The following SORCS1 variants were observed in gnomAD, a reference collection of about 807,000 sequenced individuals.
SORCS1 encodes the protein sortilin related VPS10 domain containing receptor 1, also known as VPS10 domain-containing receptor SorCS1.
A neutral mutation model predicts 146.1 loss-of-function variants in SORCS1; 60 were observed. The observed-to-expected ratio is 0.41, with a 90% CI of 0.33 to 0.51. SORCS1 has a LOEUF of 0.51. SORCS1 is among the 20% of genes least tolerant of loss of function. SORCS1 has a pLI of 0.21. For missense variants in SORCS1, 1,352 were observed against 1,487.6 expected (o/e 0.91, Z 1.50); for synonymous variants, 637 against 584.0 (o/e 1.09, Z -1.31).
chr10:106,953,974 A>G (rs576064464), intron 2 of SORCS1, among the ~76,000 whole-genome samples: 1 of 152,330 alleles, frequency 6.6e-6, no homozygotes, highest in African/African-American at 2.4e-5. Flanking sequence ...TCAGAAGGGA[A>G]GCCTGATACT....
At chr10:107,075,460 T>G (rs1962795354) in intron 1 of SORCS1, among the ~76,000 whole-genome samples, 1 of 152,102 alleles carries the variant, frequency 6.6e-6, no homozygotes, top group South Asian at 2.1e-4. Flanking sequence ...GAATAAATGT[T>G]CTAGGCACAG....
Position 106,679,241 on chromosome 10 carries a change from AG to A in SORCS1, c.1740+14del, listed in dbSNP as rs1400106110. On this transcript the variant is annotated intron_variant, in intron 12 of 25. Coordinates refer to ENST00000263054, the MANE Select transcript of SORCS1 (RefSeq NM_052918.5). ...TACTTAAACTTCAGCGATTTGACCC[AG>A]GGTATTTTCTTACCTGTCTCCAGGT... 1.3e-6 allele frequency: 2 copies of A among 1,599,552 alleles called. No individual in the cohort carries two copies. The highest frequency in any genetic ancestry group is 1.7e-6 in the Non-Finnish European group (2 of 1,172,764).
chr10:107,007,280 T>C (rs1242806309), intron 1 of SORCS1, among the ~76,000 whole-genome samples: 3 of 152,218 alleles, frequency 2.0e-5, no homozygotes, highest in Admixed American at 6.5e-5. Flanking sequence ...GTTTTGACAA[T>C]AGACCACAGT....
At chr10:106,688,823 C>A (rs1853075473) in intron 9 of SORCS1, among the ~76,000 whole-genome samples, 1 of 152,184 alleles carries the variant, frequency 6.6e-6, no homozygotes, top group Non-Finnish European at 1.5e-5. Flanking sequence ...GGTCACACTG[C>A]CCAAGGGCAC....
intron 2 of SORCS1, among the ~76,000 whole-genome samples, chr10:106,858,607 C>CA (rs71482495): frequency 0.072 from 5,831 of 80,846 alleles, 585 homozygotes; most frequent in African/African-American, 0.23. Context: ...GCCTCTGTCT[C>CA]AAAAAAAAAA....
At chr10:107,125,042 T>C (rs1270317116) in intron 1 of SORCS1, among the ~76,000 whole-genome samples, 5 of 145,356 alleles carry the variant, frequency 3.4e-5, no homozygotes, top group African/African-American at 5.0e-5. Context: ...AACCTCTGCC[T>C]CCCAGGTTCA....
intron 5 of SORCS1, among the ~76,000 whole-genome samples, chr10:106,757,975 G>A (rs1858781406): frequency 6.6e-6 from 1 of 152,176 alleles, no homozygotes; most frequent in Admixed American, 6.5e-5. Context: ...GGATTAAATA[G>A]CTTAAGTTTA....
intron 24 of SORCS1, among the ~76,000 whole-genome samples, chr10:106,587,980 G>T (rs544298855): frequency 6.6e-6 from 1 of 152,290 alleles, no homozygotes; most frequent in East Asian, 1.9e-4. Context: ...AAAGCCCAGC[G>T]TAGGGCAACC....
intron 5 of SORCS1, 124 bp from the exon 6 acceptor site, chr10:106,730,238 A>C (rs1280464975): frequency 3.9e-6 from 3 of 766,350 alleles, no homozygotes; most frequent in Admixed American, 2.4e-5. Flanking sequence ...AATCCTTAGA[A>C]TATATCTACT....
intron 5 of SORCS1, among the ~76,000 whole-genome samples, chr10:106,755,745 G>A (rs893629077): frequency 2.6e-5 from 4 of 152,066 alleles, no homozygotes; most frequent in Non-Finnish European, 5.9e-5. Context: ...TATCTTGTAT[G>A]TCCTTGATCC....
chr10:106,834,275 G>T (rs1199453497), intron 2 of SORCS1, among the ~76,000 whole-genome samples: 1 of 152,168 alleles, frequency 6.6e-6, no homozygotes, highest in East Asian at 1.9e-4. Flanking sequence ...CCGATATGCT[G>T]GTTAAATATT....
intron 1 of SORCS1, among the ~76,000 whole-genome samples, chr10:107,119,380 T>C (rs371976616): frequency 2.0e-5 from 3 of 152,216 alleles, no homozygotes; most frequent in South Asian, 2.1e-4. Flanking sequence ...AGAAAGGCTA[T>C]GGTTTGTATA....
At chr10:106,723,253 GCTTTC>G (rs1855907197) in intron 6 of SORCS1, among the ~76,000 whole-genome samples, 3 of 152,270 alleles carry the variant, frequency 2.0e-5, no homozygotes, top group African/African-American at 7.2e-5. Flanking sequence ...TTTTCACACA[GCTTTC>G]AATCCAACAG....
chr10:106,866,337 C>A (rs1950221311), intron 2 of SORCS1, among the ~76,000 whole-genome samples: 1 of 152,206 alleles, frequency 6.6e-6, no homozygotes, highest in South Asian at 2.1e-4. Flanking sequence ...CATTACCAGA[C>A]AGGGAACCTG....
At chr10:106,920,957 C>T (rs988459913) in intron 2 of SORCS1, among the ~76,000 whole-genome samples, 2 of 152,078 alleles carry the variant, frequency 1.3e-5, no homozygotes, top group African/African-American at 4.8e-5. Context: ...GAGAGGACCC[C>T]AGCAACAGTC....
intron 3 of SORCS1, among the ~76,000 whole-genome samples, chr10:106,778,095 A>T (rs1860599300): frequency 6.6e-6 from 1 of 152,122 alleles, no homozygotes; most frequent in African/African-American, 2.4e-5. Context: ...AAGCCTCTGA[A>T]CAGTTAGTGT....
intron 2 of SORCS1, among the ~76,000 whole-genome samples, chr10:106,877,627 A>G (rs1425483512): frequency 6.6e-6 from 1 of 152,216 alleles, no homozygotes; most frequent in Non-Finnish European, 1.5e-5. Context: ...TGACCTACGT[A>G]TCTAGGATTT....
At chr10:107,030,431 C>T (rs1003477870) in intron 1 of SORCS1, among the ~76,000 whole-genome samples, 2 of 152,206 alleles carry the variant, frequency 1.3e-5, no homozygotes, top group Admixed American at 6.5e-5. Flanking sequence ...ATTCTAACTT[C>T]TCTACGCTTT....
At chr10:106,617,514 A>G (rs923725169) in intron 21 of SORCS1, among the ~76,000 whole-genome samples, 9 of 151,372 alleles carry the variant, frequency 5.9e-5, no homozygotes, top group Non-Finnish European at 1.0e-4. Context: ...TATTTTTTTT[A>G]TTTCCAGTTT....
Sources: allele counts gnomAD v4.1 joint callset (sites outside exome capture counted in the v4.1 genomes callset), GRCh38; gene constraint gnomAD v4.1.1; transcripts MANE v1.5; gene names NCBI Gene and HGNC (gene_info 2026-07-23, HGNC 2026-07-21).